The following OSBPL8 variants were observed in gnomAD, a reference collection of about 807,000 sequenced individuals.
OSBPL8 encodes oxysterol binding protein like 8.
A neutral mutation model predicts 125.5 loss-of-function variants in OSBPL8; 59 were observed. That is an observed-to-expected ratio of 0.47 (90% CI 0.38 to 0.58). The LOEUF is 0.58. Ranked by LOEUF, OSBPL8 falls within the 20% of genes least tolerant of loss-of-function variation. The pLI is 0.00. For missense variants in OSBPL8, 758 were observed against 1,047.8 expected, an observed-to-expected ratio of 0.72 and a Z score of 3.82; for synonymous variants, 330 against 338.9, an observed-to-expected ratio of 0.97 and a Z score of 0.29.
At chr12:76,535,268 A>G (rs753052059) in intron 1 of OSBPL8, among the ~76,000 whole-genome samples, 1 of 152,166 alleles carries the variant, frequency 6.6e-6, no homozygotes, top group Non-Finnish European at 1.5e-5. Flanking sequence ...TCAATAAGAA[A>G]TCAATAAGAA....
intron 4 of OSBPL8, among the ~76,000 whole-genome samples, chr12:76,426,318 G>T (rs1870141666): frequency 6.6e-6 from 1 of 152,100 alleles, no homozygotes; most frequent in Non-Finnish European, 1.5e-5. Context: ...GGTGCTCTCT[G>T]GACCTCTTCT....
At chr12:76,448,352 C>T (rs530598007) in intron 4 of OSBPL8, among the ~76,000 whole-genome samples, 1 of 152,200 alleles carries the variant, frequency 6.6e-6, no homozygotes, top group African/African-American at 2.4e-5. Flanking sequence ...TTTGTTGGTT[C>T]ATTAACTCCT....
chr12:76,472,207 G>C (rs1327021787), intron 2 of OSBPL8, among the ~76,000 whole-genome samples: 1 of 152,114 alleles, frequency 6.6e-6, no homozygotes, highest in Non-Finnish European at 1.5e-5. Flanking sequence ...TGTAAGATGA[G>C]GATACCACCA....
chr12:76,389,522 G>T, intron 12 of OSBPL8, 123 bp downstream of exon 12: 1 of 750,522 alleles, frequency 1.3e-6, no homozygotes, highest in Non-Finnish European at 2.1e-6. Context: ...AAGTGGTAGA[G>T]AACAGAGAGT....
intron 16 of OSBPL8, among the ~76,000 whole-genome samples, chr12:76,376,352 G>T (rs1952818920): frequency 6.6e-6 from 1 of 152,176 alleles, no homozygotes; most frequent in Non-Finnish European, 1.5e-5. Flanking sequence ...TTTGAGAGGG[G>T]AACAGACTAT....
At chr12:76,365,144 C>A (rs552728055) in intron 21 of OSBPL8, among the ~76,000 whole-genome samples, 5 of 152,128 alleles carry the variant, frequency 3.3e-5, no homozygotes, top group Admixed American at 3.3e-4. Flanking sequence ...TTTGTAGAGA[C>A]AGAGTTTTGC....
intron 4 of OSBPL8, among the ~76,000 whole-genome samples, chr12:76,440,375 G>C (rs1872040787): frequency 6.6e-6 from 1 of 151,880 alleles, no homozygotes; most frequent in African/African-American, 2.4e-5. Flanking sequence ...CTTTCTTACA[G>C]GTGCACAATG....
chr12:76,536,813 T>C (rs940414653), intron 1 of OSBPL8, among the ~76,000 whole-genome samples: 1 of 102,324 alleles, frequency 9.8e-6, no homozygotes, highest in Non-Finnish European at 1.9e-5. Flanking sequence ...TATATAGGAG[T>C]ATCAAAAAAA....
chr12:76,375,461 G>T, intron 16 of OSBPL8, 91 bp from the exon 17 acceptor site: 1 of 816,884 alleles, frequency 1.2e-6, no homozygotes, highest in South Asian at 1.7e-5. Context: ...TCTTTTAGGA[G>T]AAACATAATT....
At position 76,384,351 on chromosome 12, in the gene OSBPL8, C is replaced by A; in HGVS notation, c.1534-1G>T. 1 of 1,468,110 alleles carries A rather than the reference C, an allele frequency of 6.8e-7. No individual in the cohort carries two copies. Among genetic ancestry groups the A allele is most frequent in the Non-Finnish European group, 9.2e-7 (1 of 1,081,214 alleles). 90.9% of individuals were successfully genotyped at this position (1,468,110 alleles called of 1,614,324 possible). ...CAGATATTGGTGGATGATGGGACAC[C>A]TATTAAACATAAGAAAAACATGCAT... On this transcript the variant is annotated splice_acceptor_variant, in intron 14 of 23. Transcript: ENST00000261183. LOFTEE classifies it high-confidence loss of function.
Position 76,375,270 on chromosome 12 carries a change from A to G in OSBPL8, c.1827+3T>C, listed in dbSNP as rs1952770473. On this transcript the variant is annotated splice_donor_region_variant and intron_variant, in intron 17 of 23. Coordinates refer to ENST00000261183, the MANE Select transcript of OSBPL8 (RefSeq NM_020841.5). ...GGTGATACCTACTGTATTGTCTACT[A>G]ACCTTTAGTTTAAATTCAAGTATTG... The G allele has an allele frequency of 1.3e-6, 2 of 1,586,344 alleles. No homozygotes were observed. The highest frequency in any genetic ancestry group is 1.7e-5 in the Admixed American group (1 of 59,822).
intron 4 of OSBPL8, among the ~76,000 whole-genome samples, chr12:76,425,319 T>C (rs1289689281): frequency 2.0e-5 from 3 of 152,206 alleles, no homozygotes; most frequent in Non-Finnish European, 4.4e-5. Flanking sequence ...TTAAGCCTAA[T>C]GTACTAAGGC....
At position 76,386,210 on chromosome 12, in the gene OSBPL8, A is replaced by T; in HGVS notation, c.1491T>A (p.Ile497=). Residue 497 remains isoleucine, a synonymous_variant, in exon 14 of 24, where the codon ATT becomes ATA. Transcript: ENST00000261183. The part of the protein sequence containing the change: ...ILGETFRCLW[I]HPRTNSKTFY... ...AAGTTTTGCTGTTTGTTCTGGGATG[A>T]ATCCATAAACAACGGAAAGTCTCGC... 1 of 1,612,718 alleles carries T rather than the reference A, an allele frequency of 6.2e-7. No individual in the cohort carries two copies. Among genetic ancestry groups the T allele is most frequent in the Non-Finnish European group, 8.5e-7 (1 of 1,179,322 alleles).
At chr12:76,453,505 T>C (rs1420504914) in intron 3 of OSBPL8, among the ~76,000 whole-genome samples, 2 of 152,090 alleles carry the variant, frequency 1.3e-5, no homozygotes, top group Non-Finnish European at 2.9e-5. Context: ...GTTAACAATA[T>C]GAGGTTATCA....
At chr12:76,508,514 A>G (rs1880653778) in intron 1 of OSBPL8, among the ~76,000 whole-genome samples, 2 of 152,214 alleles carry the variant, frequency 1.3e-5, no homozygotes, top group Non-Finnish European at 2.9e-5. Flanking sequence ...AATAAGGCTG[A>G]GGCCTACTGG....
intron 2 of OSBPL8, among the ~76,000 whole-genome samples, chr12:76,472,128 C>T (rs1876210139): frequency 6.6e-6 from 1 of 152,238 alleles, no homozygotes; most frequent in Non-Finnish European, 1.5e-5. Flanking sequence ...CAAGTCCTGA[C>T]TCCATCGTCT....
chr12:76,546,455 T>C (rs1950786117), intron 1 of OSBPL8, among the ~76,000 whole-genome samples: 1 of 152,118 alleles, frequency 6.6e-6, no homozygotes, highest in East Asian at 1.9e-4. Context: ...AATCAAATAT[T>C]ATAAAACATT....
At chr12:76,410,777 G>A (rs976092345) in intron 4 of OSBPL8, 143 bp from the exon 5 acceptor site, 1 of 589,058 alleles carries the variant, frequency 1.7e-6, no homozygotes, top group African/African-American at 1.9e-5. Flanking sequence ...GATCTCTAGA[G>A]GGTCATATCT....
intron 4 of OSBPL8, among the ~76,000 whole-genome samples, chr12:76,427,159 A>G (rs1455549361): frequency 6.6e-6 from 1 of 152,142 alleles, no homozygotes; most frequent in Non-Finnish European, 1.5e-5. Context: ...AATACTTGGT[A>G]AGCTCAAAAT....
Sources: allele counts gnomAD v4.1 joint callset (sites outside exome capture counted in the v4.1 genomes callset), GRCh38; gene constraint gnomAD v4.1.1; transcripts MANE v1.5; gene names NCBI Gene and HGNC (gene_info 2026-07-23, HGNC 2026-07-21).